MYF5: variants seen among roughly 807,000 people sequenced by gnomAD.
MYF5 encodes class C basic helix-loop-helix protein 2.
Under a neutral mutation model 22.3 loss-of-function variants are expected in MYF5, and 20 were observed. The ratio of observed to expected loss-of-function variants is 0.90; its 90% CI spans 0.63 to 1.30. The LOEUF (loss-of-function observed/expected upper bound fraction) is 1.30. MYF5 is among the 50% of genes most tolerant of loss of function. MYF5 has a pLI of 0.00. For missense variants in MYF5, 348 were observed against 325.9 expected (o/e 1.07, Z -0.52); for synonymous variants, 141 against 128.4 (o/e 1.10, Z -0.66).
chr12:80,717,140 G>T lies in MYF5; in HGVS notation c.77G>T (p.Gly26Val). The T allele has an allele frequency of 1.2e-6, 2 of 1,613,798 alleles. No homozygotes were observed. Among genetic ancestry groups the T allele is most frequent in the Non-Finnish European group, 1.7e-6 (2 of 1,180,026 alleles). ...GGCTCCTGCATACCGTCCCCCGAGGGTGAATTTGGGGACGAGTTTGTGCCG... is the reference window on the plus strand; with the variant it reads ...GGCTCCTGCATACCGTCCCCCGAGGTTGAATTTGGGGACGAGTTTGTGCCG... ...YDGSCIPSPE[G>V]EFGDEFVPRV... Residue 26 changes from glycine (G) to valine (V), a missense_variant, in exon 1 of 3, where the codon GGT becomes GTT. By Grantham distance (109) the Gly-to-Val change is moderately radical. Coordinates refer to ENST00000228644, the MANE Select transcript of MYF5 (RefSeq NM_005593.3).
Position 80,717,284 on chromosome 12 carries a change from C to G in MYF5, c.221C>G (p.Ala74Gly), listed in dbSNP as rs772531703. 1 of 1,613,996 alleles carries G rather than the reference C, an allele frequency of 6.2e-7. No individual in the cohort carries two copies. The highest frequency in any genetic ancestry group is 2.2e-5 in the East Asian group (1 of 44,882). The change falls in exon 1 of 3, where the codon GCC (alanine) becomes GGC (glycine). Residue 74 changes from alanine to glycine, a missense_variant. Ala to Gly is a moderately conservative substitution (Grantham distance 60). Transcript: ENST00000228644. The part of the protein sequence containing the change: ...AGHCLMWACK[A>G]CKRKSTTMDR... ...CACTGCCTCATGTGGGCCTGCAAAG[C>G]CTGCAAGAGGAAGTCCACCACCATG...
intron 2 of MYF5, among the ~76,000 whole-genome samples, 157 bp downstream of exon 2, chr12:80,718,590 C>G (rs1025880170): frequency 6.6e-6 from 1 of 152,130 alleles, no homozygotes; most frequent in African/African-American, 2.4e-5. Context: ...ACATCTTCTG[C>G]TCCAAATCCC....
In MYF5 at chr12:80,717,126, A is replaced by G. The variant is rs1392998264; in HGVS notation, c.63A>G (p.Ile21Met). 7 of 1,613,362 alleles carry G rather than the reference A, an allele frequency of 4.3e-6. No homozygotes were observed. The East Asian group carries it at 8.9e-5, about 21-fold the overall frequency. The change falls in exon 1 of 3, where the codon ATA (isoleucine) becomes ATG (methionine). Residue 21 changes from isoleucine to methionine, a missense_variant. By Grantham distance (10) the Ile-to-Met change is conservative (BLOSUM62 1). Transcript: ENST00000228644. ...PSEYFYDGSC[I>M]PSPEGEFGDE... The stretch of plus-strand genomic sequence containing the variant: ...AGTACTTCTACGACGGCTCCTGCAT[A>G]CCGTCCCCCGAGGGTGAATTTGGGG...
In MYF5 at chr12:80,717,006, C is replaced by G. The variant is rs577457528; in HGVS notation, c.-58C>G. ...TGCCCATCGGCGGAGGCGCCAGGCTCCCGTTTCTCCCCATCCCTCTCGCTG... is the reference window on the plus strand; with the variant it reads ...TGCCCATCGGCGGAGGCGCCAGGCTGCCGTTTCTCCCCATCCCTCTCGCTG... On this transcript the variant is annotated 5_prime_UTR_variant, in exon 1 of 3. Coordinates refer to ENST00000228644, the MANE Select transcript of MYF5 (RefSeq NM_005593.3). 4.7e-5 allele frequency: 72 copies of G among 1,538,612 alleles called. No individual in the cohort carries two copies. Among genetic ancestry groups the G allele is most frequent in the Non-Finnish European group, 5.7e-5 (65 of 1,145,860 alleles).
chr12:80,717,491 A>G lies in MYF5; in HGVS notation c.428A>G (p.Glu143Gly). Residue 143 changes from glutamate (E) to glycine (G), a missense_variant, in exon 1 of 3, where the codon GAG becomes GGG. Transcript: ENST00000228644. ...CAGGAGTTGCTGAGAGAGCAGGTGG[A>G]GAACTACTATAGCCTGCCGGGACAG... ...SLQELLREQV[E>G]NYYSLPGQSC... 1 of 1,614,146 alleles carries G rather than the reference A, an allele frequency of 6.2e-7. No individual in the cohort carries two copies. The highest frequency in any genetic ancestry group is 8.5e-7 in the Non-Finnish European group (1 of 1,180,022).
rs1208054843 is a variant in MYF5 at position 80,717,264 on chromosome 12, C to T, written c.201C>T (p.Cys67=). 2.5e-6 allele frequency: 4 copies of T among 1,614,120 alleles called. No homozygotes were observed. The highest frequency in any genetic ancestry group is 1.1e-5 in the South Asian group (1 of 91,088). Residue 67 remains cysteine (C), a synonymous_variant, in exon 1 of 3, where the codon TGC becomes TGT. Transcript: ENST00000228644. ...APTGHHQAGH[C]LMWACKACKR... ...CCGGCCACCACCAGGCTGGTCACTG[C>T]CTCATGTGGGCCTGCAAAGCCTGCA...
chr12:80,718,721 C>A (rs187247226), intron 2 of MYF5, 140 bp from the exon 3 acceptor site: 97 of 751,706 alleles, frequency 1.3e-4, no homozygotes, highest in Admixed American at 3.3e-4. Context: ...ATATTTGTTG[C>A]AAATTTCTAT....
rs1868695231 is a variant in MYF5, at chr12:80,719,478, TTTC to T, written c.*430_*432del. The T allele has an allele frequency of 6.6e-6, 1 of 151,936 alleles. No homozygotes were observed. The highest frequency in any genetic ancestry group is 6.6e-5 in the Admixed American group (1 of 15,256). 9.4% of individuals were successfully genotyped at this position (151,936 alleles called of 1,614,324 possible). Reference sequence around the variant, plus strand: ...ATGGAATTTTAAATATATTTAACTATTTCTTTTCTCTTTAATCCTTTAGTTATA... The same window carrying T: ...ATGGAATTTTAAATATATTTAACTATTTTTCTCTTTAATCCTTTAGTTATA... On this transcript the variant is annotated 3_prime_UTR_variant, in exon 3 of 3. Coordinates refer to ENST00000228644, the MANE Select transcript of MYF5 (RefSeq NM_005593.3).
In MYF5 at chr12:80,716,997, C is replaced by A; in HGVS notation, c.-67C>A. On this transcript the variant is annotated 5_prime_UTR_variant, in exon 1 of 3. Coordinates refer to ENST00000228644, the MANE Select transcript of MYF5 (RefSeq NM_005593.3). ...CCCGGGATTTGCCCATCGGCGGAGG[C>A]GCCAGGCTCCCGTTTCTCCCCATCC... The A allele has an allele frequency of 1.3e-5, 20 of 1,531,730 alleles. No individual in the cohort carries two copies. The highest frequency in any genetic ancestry group is 1.8e-5 in the Admixed American group (1 of 54,302). 94.9% of individuals were successfully genotyped at this position (1,531,730 alleles called of 1,614,324 possible).
At position 80,719,315 on chromosome 12, in the gene MYF5, T is replaced by C. The variant is rs1207806171; in HGVS notation, c.*264T>C. ...AATACTATTTCTGATAGGGGGCCATTGATTGAGGGTAGCTTGTTGCAATGC... is the reference window on the plus strand; with the variant it reads ...AATACTATTTCTGATAGGGGGCCATCGATTGAGGGTAGCTTGTTGCAATGC... On this transcript the variant is annotated 3_prime_UTR_variant, in exon 3 of 3. Coordinates refer to ENST00000228644, the MANE Select transcript of MYF5 (RefSeq NM_005593.3). The C allele has an allele frequency of 1.9e-5, 4 of 213,972 alleles. No individual in the cohort carries two copies. The highest frequency in any genetic ancestry group is 2.8e-5 in the Non-Finnish European group (3 of 108,148). The allele number at this position is 213,972 out of a possible 1,614,324, so 13.3% of individuals were successfully genotyped here.
At chr12:80,718,255 G>A (rs1868655230) in intron 1 of MYF5, 103 bp from the exon 2 acceptor site, 4 of 895,518 alleles carry the variant, frequency 4.5e-6, no homozygotes, top group Non-Finnish European at 7.5e-6. Flanking sequence ...GTGATTGACA[G>A]TGTTCGGTTA....
In MYF5 at chr12:80,717,136, G is replaced by T; in HGVS notation, c.73G>T (p.Glu25Ter). 1 of 1,613,710 alleles carries T rather than the reference G, an allele frequency of 6.2e-7. No homozygotes were observed. Among genetic ancestry groups the T allele is most frequent in the Non-Finnish European group, 8.5e-7 (1 of 1,180,028 alleles). The change falls in exon 1 of 3, where the codon GAG becomes TAG. Residue 25 changes from glutamate (E) to a stop codon, truncating the protein, a stop_gained. Coordinates refer to ENST00000228644, the MANE Select transcript of MYF5 (RefSeq NM_005593.3). LOFTEE classifies it high-confidence loss of function. The part of the protein sequence containing the change: ...FYDGSCIPSP[E>*]GEFGDEFVPR... ...CGACGGCTCCTGCATACCGTCCCCC[G>T]AGGGTGAATTTGGGGACGAGTTTGT...
intron 1 of MYF5, 71 bp downstream of exon 1, chr12:80,717,635 G>C (rs1391036178): frequency 1.3e-6 from 2 of 1,535,218 alleles, no homozygotes; most frequent in Non-Finnish European, 1.8e-6. Context: ...CATTTAACCT[G>C]GTGTGGTGGG....
In MYF5 at chr12:80,717,492, G is replaced by T. The variant is rs771904568; in HGVS notation, c.429G>T (p.Glu143Asp). ...SLQELLREQVENYYSLPGQSC... is the reference protein window; with the variant it reads ...SLQELLREQVDNYYSLPGQSC... ...AGGAGTTGCTGAGAGAGCAGGTGGA[G>T]AACTACTATAGCCTGCCGGGACAGA... Residue 143 changes from glutamate to aspartate, a missense_variant, in exon 1 of 3, where the codon GAG becomes GAT. Transcript: ENST00000228644. 3 of 1,614,180 alleles carry T rather than the reference G, an allele frequency of 1.9e-6. No homozygotes were observed. Among genetic ancestry groups the T allele is most frequent in the Admixed American group, 1.7e-5 (1 of 60,030 alleles).
At chr12:80,718,586 TCTG>T (rs1235613303) in intron 2 of MYF5, among the ~76,000 whole-genome samples, 153 bp downstream of exon 2, 1 of 152,130 alleles carries the variant, frequency 6.6e-6, no homozygotes, top group African/African-American at 2.4e-5. Context: ...AAACACATCT[TCTG>T]CTCCAAATCC....
intron 1 of MYF5, 63 bp from the exon 2 acceptor site, chr12:80,718,295 T>C: frequency 7.3e-7 from 1 of 1,365,092 alleles, no homozygotes; most frequent in Non-Finnish European, 1.0e-6. Flanking sequence ...CAGCCTCACC[T>C]TTGGTCAGAA....
intron 2 of MYF5, 100 bp downstream of exon 2, chr12:80,718,533 T>C (rs937386973): frequency 9.4e-7 from 1 of 1,067,904 alleles, no homozygotes; most frequent in Non-Finnish European, 1.4e-6. Flanking sequence ...GAAGGGAGAA[T>C]GGAAGTGATG....
Position 80,716,939 on chromosome 12 carries a change from T to A in MYF5, c.-125T>A, listed in dbSNP as rs1222215573. 35 of 1,214,936 alleles carry A rather than the reference T, an allele frequency of 2.9e-5. No homozygotes were observed. The highest frequency in any genetic ancestry group is 3.7e-5 in the Non-Finnish European group (33 of 885,138). The allele number at this position is 1,214,936 out of a possible 1,614,324, so 75.3% of individuals were successfully genotyped here. Reference sequence around the variant, plus strand: ...CCAGGCCAACAGGCGTCTGCCCTTGTTAATTACCGGAGCGACAGACTAGGG... The same window carrying A: ...CCAGGCCAACAGGCGTCTGCCCTTGATAATTACCGGAGCGACAGACTAGGG... On this transcript the variant is annotated 5_prime_UTR_variant, in exon 1 of 3. Coordinates refer to ENST00000228644, the MANE Select transcript of MYF5 (RefSeq NM_005593.3).
chr12:80,717,586 T>G, intron 1 of MYF5, 22 bp downstream of exon 1: 1 of 1,606,240 alleles, frequency 6.2e-7, no homozygotes, highest in Non-Finnish European at 8.5e-7. Flanking sequence ...ATCTGGTACC[T>G]GCTAGGCTAC....
Sources: allele counts gnomAD v4.1 joint callset (sites outside exome capture counted in the v4.1 genomes callset), GRCh38; gene constraint gnomAD v4.1.1; transcripts MANE v1.5; gene names NCBI Gene and HGNC (gene_info 2026-07-23, HGNC 2026-07-21).